The following CACNA1C variants were observed in gnomAD, a reference collection of about 807,000 sequenced individuals.
CACNA1C encodes voltage-dependent L-type calcium channel subunit alpha-1C.
A neutral mutation model predicts 229.0 loss-of-function variants in CACNA1C; 30 were observed. The ratio of observed to expected loss-of-function variants is 0.13; its 90% CI spans 0.10 to 0.18. The LOEUF (loss-of-function observed/expected upper bound fraction) is 0.18. Ranked by LOEUF, CACNA1C falls within the 10% of genes least tolerant of loss-of-function variation. CACNA1C has a pLI of 1.00. For synonymous variants in CACNA1C, 1,114 were observed against 1,132.5 expected (o/e 0.98, Z 0.33); for missense variants, 1,658 against 2,845.0 (o/e 0.58, Z 9.49).
At chr12:2,420,221 C>T (rs1452545853) in intron 3 of CACNA1C, among the ~76,000 whole-genome samples, 1 of 150,484 alleles carries the variant, frequency 6.6e-6, no homozygotes, top group Non-Finnish European at 1.5e-5. Context: ...GGACATGGAG[C>T]CACTCCCACT....
rs189021390 is a variant in CACNA1C, at chr12:2,604,577, G to T, written c.2961-504G>T. Reference sequence around the variant, plus strand: ...GGCCTCATGAGCAGGTACCATTCAGGCAGTTTCTCAAGCACATGGCTGGGT... The same window carrying T: ...GGCCTCATGAGCAGGTACCATTCAGTCAGTTTCTCAAGCACATGGCTGGGT... On this transcript the variant is annotated intron_variant, in intron 22 of 46. Coordinates refer to ENST00000399655, the MANE Select transcript of CACNA1C (RefSeq NM_000719.7). 4.4e-4 allele frequency among the ~76,000 whole-genome samples: 67 copies of T among 152,264 alleles called. 1 individual carries two copies. In the East Asian group the frequency reaches 9.8e-3, roughly 22 times the overall value.
intron 6 of CACNA1C, among the ~76,000 whole-genome samples, chr12:2,491,915 A>G (rs2099735813): frequency 6.6e-6 from 1 of 152,174 alleles, no homozygotes; most frequent in Admixed American, 6.5e-5. Context: ...AAACCAGAAA[A>G]TAATCCTGGG....
At chr12:2,324,446 C>T (rs968235575) in intron 3 of CACNA1C, among the ~76,000 whole-genome samples, 2 of 152,234 alleles carry the variant, frequency 1.3e-5, no homozygotes, top group Non-Finnish European at 2.9e-5. Flanking sequence ...AGATGACACG[C>T]TGGAGTTGTC....
At chr12:2,192,490 GA>G (rs1196525177) in intron 3 of CACNA1C, among the ~76,000 whole-genome samples, 2 of 152,260 alleles carry the variant, frequency 1.3e-5, no homozygotes, top group East Asian at 1.9e-4. Context: ...TCCACAGGGA[GA>G]GGGGCAGTAA....
chr12:2,156,905 G>T (rs1305536175), intron 3 of CACNA1C, among the ~76,000 whole-genome samples: 2 of 152,216 alleles, frequency 1.3e-5, no homozygotes, highest in African/African-American at 2.4e-5. Flanking sequence ...CAGCCCAGTG[G>T]CAGCTGGGAA....
At chr12:2,450,490 C>G (rs1349530102) in intron 4 of CACNA1C, among the ~76,000 whole-genome samples, 1 of 124,844 alleles carries the variant, frequency 8.0e-6, no homozygotes, top group Non-Finnish European at 1.6e-5. Context: ...GGAGGCGGAG[C>G]TTACAGTGAG....
chr12:2,385,717 A>G (rs896370534), intron 3 of CACNA1C, among the ~76,000 whole-genome samples: 1 of 152,202 alleles, frequency 6.6e-6, no homozygotes, highest in African/African-American at 2.4e-5. Context: ...CAATGGCCTC[A>G]GTGGCCCCTA....
chr12:2,523,531 C>T (rs934535439), intron 9 of CACNA1C, among the ~76,000 whole-genome samples: 2 of 152,144 alleles, frequency 1.3e-5, no homozygotes, highest in Non-Finnish European at 2.9e-5. Flanking sequence ...AGTGCTACAG[C>T]GTCATCACTT....
Position 2,248,174 on chromosome 12 carries a change from C to A in CACNA1C, c.477+127744C>A, listed in dbSNP as rs184210148. 1.5e-4 allele frequency among the ~76,000 whole-genome samples: 23 copies of A among 152,348 alleles called. No homozygotes were observed. In the East Asian group the frequency reaches 3.7e-3, roughly 24 times the overall value. On this transcript the variant is annotated intron_variant, in intron 3 of 46. Transcript: ENST00000399655. The stretch of plus-strand genomic sequence containing the variant: ...TGCAAAGTAATTAAGAATCTCCTCT[C>A]CTATGCTGTGTTTACACTGTACATT...
At position 2,665,556 on chromosome 12, in the gene CACNA1C, C is replaced by T; in HGVS notation, c.4399-25C>T. 1.2e-6 allele frequency: 2 copies of T among 1,611,624 alleles called. No individual in the cohort carries two copies. Among genetic ancestry groups the T allele is most frequent in the Non-Finnish European group, 1.7e-6 (2 of 1,178,460 alleles). ...GGTGTGTAGGAAGGTCTTCTCACAG[C>T]ACCTCATTGTACTGTTCCCCACAGA... On this transcript the variant is annotated intron_variant, in intron 35 of 46. Transcript: ENST00000399655. This position sits in a 1 kb window ranked among gnomAD's most constrained non-coding sequence, Gnocchi z 5.9.
rs544285972 is a variant in CACNA1C at position 2,413,234 on chromosome 12, C to T, written c.478-35742C>T. 4.6e-5 allele frequency among the ~76,000 whole-genome samples: 7 copies of T among 152,320 alleles called. No homozygotes were observed. The East Asian group carries it at 1.2e-3, about 25-fold the overall frequency. The stretch of plus-strand genomic sequence containing the variant: ...GTTTCACCATGTTGACCAGGCTGGT[C>T]TTGAACTCCTGACCTCAGGTGATCC... On this transcript the variant is annotated intron_variant, in intron 3 of 46. Coordinates refer to ENST00000399655, the MANE Select transcript of CACNA1C (RefSeq NM_000719.7).
intron 3 of CACNA1C, among the ~76,000 whole-genome samples, chr12:2,236,085 G>A (rs2067238068): frequency 6.6e-6 from 1 of 152,226 alleles, no homozygotes; most frequent in South Asian, 2.1e-4. Context: ...CTCTATCAAA[G>A]TCTTGCTATC....
intron 13 of CACNA1C, among the ~76,000 whole-genome samples, chr12:2,574,983 T>C (rs2154594182): frequency 6.6e-6 from 1 of 152,270 alleles, no homozygotes; most frequent in Non-Finnish European, 1.5e-5. Flanking sequence ...GACACAACTG[T>C]GGTTGGAGGG....
At chr12:2,218,960 C>T (rs916052082) in intron 3 of CACNA1C, among the ~76,000 whole-genome samples, 2 of 152,046 alleles carry the variant, frequency 1.3e-5, no homozygotes, top group Non-Finnish European at 2.9e-5. Context: ...CCAAGGCATT[C>T]GGCACAGGAA....
rs199473392 is a variant in CACNA1C at position 2,691,170 on chromosome 12, G to A, written c.6388G>A (p.Asp2130Asn). The change falls in exon 47 of 47, where the codon GAC (aspartate) becomes AAC (asparagine). Residue 2130 changes from aspartate (D) to asparagine (N), a missense_variant. Asp to Asn is a conservative substitution (Grantham distance 23). Transcript: ENST00000399655. Reference protein sequence around the residue: ...RGRPSEEELQDSRVYVSSL With the variant: ...RGRPSEEELQNSRVYVSSL ...TCGACCGAGTGAGGAGGAGCTCCAG[G>A]ACAGCAGGGTCTACGTCAGCAGCCT... 5.9e-5 allele frequency: 94 copies of A among 1,598,160 alleles called. No individual in the cohort carries two copies. Among genetic ancestry groups the A allele is most frequent in the Middle Eastern group, 2.0e-4 (1 of 5,086 alleles).
At chr12:2,010,840 A>C (rs555585318) in intron 1 of CACNA1C, 1 of 152,290 alleles carries the variant, frequency 6.6e-6, no homozygotes, top group East Asian at 1.9e-4. Context: ...AACAGGGAGA[A>C]AAAGATGTTA....
intron 34 of CACNA1C, among the ~76,000 whole-genome samples, chr12:2,656,015 T>C (rs566547351): frequency 6.6e-6 from 1 of 152,300 alleles, no homozygotes; most frequent in East Asian, 1.9e-4. Flanking sequence ...GTTGAAAGCT[T>C]TTCCTTTAAG....
At chr12:2,336,056 C>G (rs1276955574) in intron 3 of CACNA1C, among the ~76,000 whole-genome samples, 2 of 151,478 alleles carry the variant, frequency 1.3e-5, no homozygotes, top group Non-Finnish European at 2.9e-5. Context: ...CCTAAGCATC[C>G]TCTTTGTTCC....
intron 1 of CACNA1C, among the ~76,000 whole-genome samples, chr12:2,099,969 T>C (rs1595822562): frequency 6.6e-6 from 1 of 152,214 alleles, no homozygotes; most frequent in Non-Finnish European, 1.5e-5. Flanking sequence ...AGAGGCTAGG[T>C]ACCTTTTCAA....
Sources: allele counts gnomAD v4.1 joint callset (sites outside exome capture counted in the v4.1 genomes callset), GRCh38; gene constraint gnomAD v4.1.1; non-coding constraint Gnocchi (gnomAD v3.1); transcripts MANE v1.5; gene names NCBI Gene and HGNC (gene_info 2026-07-23, HGNC 2026-07-21).